MYH11: variants seen among roughly 807,000 people sequenced by gnomAD.
The protein encoded by MYH11 is myosin heavy chain 11.
Under a neutral mutation model 246.6 loss-of-function variants are expected in MYH11, and 80 were observed. The observed-to-expected ratio is 0.32, with a 90% CI of 0.27 to 0.39. MYH11 has a LOEUF of 0.39. Ranked by LOEUF, MYH11 falls within the 10% of genes least tolerant of loss-of-function variation. MYH11 has a pLI of 1.00. For missense variants in MYH11, 2,158 were observed against 2,546.8 expected (o/e 0.85, Z 3.29); for synonymous variants, 1,071 against 1,015.5 (o/e 1.05, Z -1.04).
Position 15,856,758 on chromosome 16 carries a change from C to T in MYH11, c.-18+183G>A, listed in dbSNP as rs1306792990. ...TTAAGAAATGCTGTTTGGGGAAAGT[C>T]TAGGATAATCTAAGACGATAAGGCA... is the stretch of plus-strand genomic sequence containing the variant. On this transcript the variant is annotated intron_variant, in intron 1 of 40. Coordinates refer to ENST00000300036, the MANE Select transcript of MYH11 (RefSeq NM_002474.3). Among the ~76,000 whole-genome samples, 3 of 152,044 alleles carry T rather than the reference C, an allele frequency of 2.0e-5. No homozygotes were observed. The East Asian group carries it at 5.8e-4, about 29-fold the overall frequency.
rs973795405 is a variant in MYH11, at chr16:15,756,987, G to A, written c.1576-473C>T. ...CTGATTTTTTCTATTTTTAGTAGAG[G>A]CGGGGTTTCACCGTGTTAGCCAGGA... On this transcript the variant is annotated intron_variant, in intron 13 of 40. Transcript: ENST00000300036. 1.1e-4 allele frequency among the ~76,000 whole-genome samples: 16 copies of A among 150,448 alleles called. 1 individual carries two copies. Among genetic ancestry groups the A allele is most frequent in the African/African-American group, 3.2e-4 (13 of 40,852 alleles).
In MYH11 at chr16:15,838,100, C is replaced by T. The variant is rs2043951766; in HGVS notation, c.153G>A (p.Lys51=). 1 of 1,614,134 alleles carries T rather than the reference C, an allele frequency of 6.2e-7. No individual in the cohort carries two copies. The highest frequency in any genetic ancestry group is 1.1e-5 in the South Asian group (1 of 91,076). ...CAACCACCTCATCCCCCTTCTCCTC[C>T]TTAATGCTGGCTGCCTCGAAGCCCT... ...EKQGFEAASI[K]EEKGDEVVVE... The change falls in exon 2 of 41, where the codon AAG becomes AAA. Residue 51 remains lysine (K), a synonymous_variant. Transcript: ENST00000300036.
intron 35 of MYH11, 121 bp downstream of exon 35, chr16:15,719,464 T>TCTAG: frequency 6.5e-7 from 1 of 1,537,478 alleles, no homozygotes; most frequent in East Asian, 2.2e-5. Flanking sequence ...CGTGTGTCTT[T>TCTAG]CTAGACAGGT....
At chr16:15,751,568 G>A (rs2041572884) in intron 15 of MYH11, among the ~76,000 whole-genome samples, 1 of 150,708 alleles carries the variant, frequency 6.6e-6, no homozygotes, top group South Asian at 2.1e-4. Flanking sequence ...GCCATGGATG[G>A]CACCATTTCT....
rs1439752555 is a variant in MYH11 at position 15,750,743 on chromosome 16, C to T, written c.1865-412G>A. On this transcript the variant is annotated intron_variant, in intron 15 of 40. Transcript: ENST00000300036. The surrounding 1 kb of genome is among the most constrained non-coding windows in gnomAD (Gnocchi z 4.3). ...CAGCCTCCAATCTTTCATCCACCAA[C>T]AAATAGTTATTGAGGACCTTCTGTG... Among the ~76,000 whole-genome samples the T allele has an allele frequency of 6.6e-6, 1 of 152,004 alleles. No individual in the cohort carries two copies. The highest frequency in any genetic ancestry group is 1.5e-5 in the Non-Finnish European group (1 of 67,998).
At chr16:15,810,187 C>G (rs2043107061) in intron 3 of MYH11, among the ~76,000 whole-genome samples, 1 of 151,734 alleles carries the variant, frequency 6.6e-6, no homozygotes, top group African/African-American at 2.4e-5. Context: ...TCGCCCACCA[C>G]CATGCCTGGC....
chr16:15,723,153 G>C (rs775343356), intron 31 of MYH11, among the ~76,000 whole-genome samples: 2 of 152,128 alleles, frequency 1.3e-5, no homozygotes, highest in Admixed American at 6.6e-5. Context: ...TCATACAGGG[G>C]TCTCCATTTA....
intron 4 of MYH11, among the ~76,000 whole-genome samples, chr16:15,793,539 C>A (rs908311530): frequency 6.6e-6 from 1 of 152,070 alleles, no homozygotes; most frequent in Middle Eastern, 3.2e-3. Flanking sequence ...GCCACCCTCC[C>A]GCCTCGGCCT....
Position 15,777,097 on chromosome 16 carries a change from G to GCAGACATACACA in MYH11, c.791-922_791-921insTGTGTATGTCTG, listed in dbSNP as rs750248562. On this transcript the variant is annotated intron_variant, in intron 7 of 40. Coordinates refer to ENST00000300036, the MANE Select transcript of MYH11 (RefSeq NM_002474.3). ...TCATGGTGTACATGGGTATACACACGCACACATACACACACACACACACAC... is the reference window on the plus strand; with the variant it reads ...TCATGGTGTACATGGGTATACACACGCAGACATACACACACACATACACACACACACACACAC... 4.3e-3 allele frequency among the ~76,000 whole-genome samples: 625 copies of GCAGACATACACA among 145,512 alleles called. 9 individuals carry two copies. The highest frequency in any genetic ancestry group is 7.2e-3 in the Middle Eastern group (2 of 276).
chr16:15,851,542 C>A (rs533992564), intron 1 of MYH11, among the ~76,000 whole-genome samples: 1 of 152,070 alleles, frequency 6.6e-6, no homozygotes, highest in South Asian at 2.1e-4. Context: ...TAAATGGACA[C>A]CCGATTAATT....
chr16:15,776,532 T>A (rs561280432), intron 7 of MYH11, among the ~76,000 whole-genome samples: 1 of 152,298 alleles, frequency 6.6e-6, no homozygotes, highest in Non-Finnish European at 1.5e-5. Context: ...CCATCTATGA[T>A]CCTATGATTT....
intron 26 of MYH11, 122 bp downstream of exon 26, chr16:15,735,244 G>A (rs772446412): frequency 1.7e-5 from 18 of 1,053,200 alleles, no homozygotes; most frequent in Non-Finnish European, 2.2e-5. Flanking sequence ...AAAGCAAACC[G>A]CGGCCAGGAA....
At chr16:15,711,227 T>G (rs1235757277) in intron 40 of MYH11, 1 of 152,230 alleles carries the variant, frequency 6.6e-6, no homozygotes, top group South Asian at 2.1e-4. Context: ...CCCCAAACTC[T>G]AGAGGTGATT....
At chr16:15,767,273 G>A (rs1162168235) in intron 9 of MYH11, among the ~76,000 whole-genome samples, 3 of 152,110 alleles carry the variant, frequency 2.0e-5, no homozygotes, top group Non-Finnish European at 4.4e-5. Context: ...GTCTCAATAA[G>A]TCCCATGAGC....
In MYH11 at chr16:15,771,941, C is replaced by T. The variant is rs116288814; in HGVS notation, c.890-229G>A. On this transcript the variant is annotated intron_variant, in intron 8 of 40. Coordinates refer to ENST00000300036, the MANE Select transcript of MYH11 (RefSeq NM_002474.3). ...TCCAGTGACTGCAGCTGATATCCAG[C>T]CTTGGTTCTGCTTGCTAAGCCACAA... Among the ~76,000 whole-genome samples the T allele has an allele frequency of 4.1e-3, 625 of 152,066 alleles. 4 individuals are homozygous for T. The highest frequency in any genetic ancestry group is 0.015 in the African/African-American group (602 of 41,470).
intron 9 of MYH11, among the ~76,000 whole-genome samples, chr16:15,769,256 C>T (rs937994024): frequency 1.3e-4 from 20 of 152,248 alleles, no homozygotes; most frequent in African/African-American, 3.6e-4. Context: ...GCAGAGGTTG[C>T]AGTGAGCCGA....
chr16:15,730,190 G>C (rs2040918584), intron 27 of MYH11, among the ~76,000 whole-genome samples: 1 of 151,892 alleles, frequency 6.6e-6, no homozygotes. Flanking sequence ...TATGCTTTCT[G>C]TACAGCCTGC....
intron 3 of MYH11, among the ~76,000 whole-genome samples, chr16:15,808,364 G>C (rs1275053683): frequency 6.6e-6 from 1 of 152,196 alleles, no homozygotes; most frequent in African/African-American, 2.4e-5. Flanking sequence ...GACAAGTGAG[G>C]AAACTGAGGC....
Position 15,741,877 on chromosome 16 carries a change from C to G in MYH11, c.2535G>C (p.Leu845=), listed in dbSNP as rs376763868. 89 of 1,614,152 alleles carry G rather than the reference C, an allele frequency of 5.5e-5. No individual in the cohort carries two copies. Among genetic ancestry groups the G allele is most frequent in the Non-Finnish European group, 7.5e-5 (88 of 1,180,054 alleles). ...TCTCCTCCTCCTGCCGTGTCACCTG[C>G]AGCAGTGGCTTCACCTGCACACACA... ...WRLFTKVKPL[L]QVTRQEEEMQ... The change falls in exon 21 of 41, where the codon CTG becomes CTC. Residue 845 remains leucine (L), a synonymous_variant. Coordinates refer to ENST00000300036, the MANE Select transcript of MYH11 (RefSeq NM_002474.3).
Sources: gnomAD v4.1 joint callset for allele counts (sites outside exome capture counted in the v4.1 genomes callset) on GRCh38, gnomAD v4.1.1 for gene constraint, Gnocchi (gnomAD v3.1) non-coding constraint, MANE v1.5 for transcripts, NCBI Gene and HGNC (gene_info 2026-07-23, HGNC 2026-07-21) for gene names.